The following TOM1L2 variants were observed in gnomAD, a reference collection of about 807,000 sequenced individuals.
The protein encoded by TOM1L2 is TOM1-like protein 2.
TOM1L2 carries 31 observed loss-of-function variants against 67.9 expected under a neutral mutation model. The ratio of observed to expected loss-of-function variants is 0.46; its 90% CI spans 0.34 to 0.62. The LOEUF is 0.62. Ranked by LOEUF, TOM1L2 falls within the 20% of genes least tolerant of loss-of-function variation. The pLI, the probability that TOM1L2 is intolerant of heterozygous loss-of-function variation, is 0.01. For synonymous variants in TOM1L2, 256 were observed against 254.0 expected, an observed-to-expected ratio of 1.01 and a Z score of -0.07; for missense variants, 606 against 663.5, an observed-to-expected ratio of 0.91 and a Z score of 0.95.
chr17:17,850,304 T>C, intron 13 of TOM1L2, among the ~76,000 whole-genome samples: 1 of 152,012 alleles, frequency 6.6e-6, no homozygotes, highest in Non-Finnish European at 1.5e-5. Context: ...AGCTCTCCTT[T>C]CTTGGGACCT....
intron 1 of TOM1L2, among the ~76,000 whole-genome samples, chr17:17,933,867 G>A (rs541675466): frequency 3.3e-5 from 5 of 152,116 alleles, no homozygotes; most frequent in Non-Finnish European, 7.4e-5. Context: ...TTCAAAAGAT[G>A]ATGATCTGCC....
intron 7 of TOM1L2, 74 bp from the exon 8 acceptor site, chr17:17,869,547 T>A: frequency 6.6e-7 from 1 of 1,504,792 alleles, no homozygotes; most frequent in Non-Finnish European, 8.8e-7. Context: ...TTGAAAAAAT[T>A]TGTACTGATT....
At chr17:17,899,443 C>T (rs2038738599) in intron 2 of TOM1L2, among the ~76,000 whole-genome samples, 1 of 152,222 alleles carries the variant, frequency 6.6e-6, no homozygotes, top group African/African-American at 2.4e-5. Context: ...CAAATGGGCT[C>T]TGTCCAAAAG....
At chr17:17,971,880 C>G in intron 1 of TOM1L2, among the ~76,000 whole-genome samples, 1 of 152,168 alleles carries the variant, frequency 6.6e-6, no homozygotes, top group African/African-American at 2.4e-5. Context: ...CACCAGTGCC[C>G]GGGAGGAGGC....
chr17:17,939,349 T>C (rs1358157934), intron 1 of TOM1L2, among the ~76,000 whole-genome samples: 3 of 152,242 alleles, frequency 2.0e-5, no homozygotes, highest in African/African-American at 7.2e-5. Flanking sequence ...GTACTTGTGA[T>C]AGACCTTAGC....
intron 5 of TOM1L2, among the ~76,000 whole-genome samples, chr17:17,883,988 G>C (rs1264335240): frequency 1.3e-5 from 2 of 152,100 alleles, no homozygotes. Flanking sequence ...TAGCTTCCTT[G>C]AGAAACCATG....
intron 11 of TOM1L2, 195 bp downstream of exon 11, chr17:17,862,536 G>T (rs558282678): frequency 1.0e-5 from 6 of 594,282 alleles, no homozygotes; most frequent in African/African-American, 1.9e-5. Flanking sequence ...TGTGTGTTTG[G>T]GGGGGTGGGG....
chr17:17,907,685 C>G (rs2039160703), intron 1 of TOM1L2, among the ~76,000 whole-genome samples, 154 bp from the exon 2 acceptor site: 1 of 152,160 alleles, frequency 6.6e-6, no homozygotes, highest in Non-Finnish European at 1.5e-5. Flanking sequence ...CACAAGAGAA[C>G]ACCCGGGAAA....
At chr17:17,874,715 G>A (rs747833234) in intron 7 of TOM1L2, among the ~76,000 whole-genome samples, 3 of 152,348 alleles carry the variant, frequency 2.0e-5, no homozygotes, top group African/African-American at 4.8e-5. Flanking sequence ...CATCTGCTCT[G>A]GCCTTGTGTT....
intron 1 of TOM1L2, among the ~76,000 whole-genome samples, chr17:17,957,895 C>A (rs2041527660): frequency 1.3e-5 from 2 of 151,704 alleles, no homozygotes; most frequent in South Asian, 4.1e-4. Flanking sequence ...TCAAGACCAT[C>A]CTGGCTAACA....
intron 12 of TOM1L2, chr17:17,859,345 G>A (rs2036427624): frequency 6.6e-6 from 1 of 152,216 alleles, no homozygotes; most frequent in African/African-American, 2.4e-5. Context: ...AAAGTGCTGA[G>A]ATTACAGGCA....
chr17:17,862,537 G>C (rs578101726), intron 11 of TOM1L2, 194 bp downstream of exon 11: 58 of 595,434 alleles, frequency 9.7e-5, no homozygotes, highest in Non-Finnish European at 1.7e-4. Flanking sequence ...GTGTGTTTGG[G>C]GGGGTGGGGG....
chr17:17,880,074 A>G (rs961101548), intron 6 of TOM1L2, among the ~76,000 whole-genome samples: 4 of 152,182 alleles, frequency 2.6e-5, no homozygotes, highest in Admixed American at 2.0e-4. Flanking sequence ...GAACTTGAGT[A>G]GAAGCTGAAC....
At chr17:17,879,828 C>T in intron 6 of TOM1L2, 85 bp from the exon 7 acceptor site, 2 of 1,161,630 alleles carry the variant, frequency 1.7e-6, no homozygotes, top group South Asian at 2.5e-5. Flanking sequence ...TGCTCCTAGT[C>T]TAGTGACAAT....
chr17:17,844,290 C>G lies in TOM1L2; in HGVS notation c.*3345G>C, dbSNP rs1299210165. 6.6e-6 allele frequency: 1 copy of G among 152,246 alleles called. No homozygotes were observed. The highest frequency in any genetic ancestry group is 6.5e-5 in the Admixed American group (1 of 15,286). 9.4% of individuals were successfully genotyped at this position (152,246 alleles called of 1,614,324 possible). A position where few individuals can be genotyped will look rare whatever the true frequency, so the allele number is the denominator to read the frequency against. On this transcript the variant is annotated 3_prime_UTR_variant, in exon 15 of 15. Coordinates refer to ENST00000379504, the MANE Select transcript of TOM1L2 (RefSeq NM_001082968.2). ...GCAGCGGGAAGGAGGGGGGCAGGAGCGTGAGCATCGGCAGCAGCTGCCCTG... is the reference window on the plus strand; with the variant it reads ...GCAGCGGGAAGGAGGGGGGCAGGAGGGTGAGCATCGGCAGCAGCTGCCCTG...
chr17:17,963,767 C>G (rs894386852), intron 1 of TOM1L2, among the ~76,000 whole-genome samples: 9 of 152,268 alleles, frequency 5.9e-5, no homozygotes, highest in African/African-American at 2.2e-4. Context: ...GAGCCTCCAG[C>G]CTTATTCAGA....
chr17:17,869,349 C>G lies in TOM1L2; in HGVS notation c.902G>C (p.Arg301Pro), dbSNP rs745605701. The G allele has an allele frequency of 1.2e-5, 20 of 1,610,936 alleles. No individual in the cohort carries two copies. The highest frequency in any genetic ancestry group is 2.2e-5 in the East Asian group (1 of 44,874). ...GAAATCCGGCTCCCACCTCTCGTAT[C>G]GAAGGAAGACGTTGTTGAGGTCATC... is the stretch of plus-strand genomic sequence containing the variant. The part of the protein sequence containing the change: ...VNDDLNNVFL[R>P]YERFERYRSG... Residue 301 changes from arginine to proline, a missense_variant, in exon 8 of 15, where the codon CGA (arginine) becomes CCA (proline). Physicochemically the swap from Arg to Pro is moderately radical, Grantham distance 103. This residue lies in a region of TOM1L2 where 543 missense variants were observed against 554.0 expected (regional missense o/e 0.98). Transcript: ENST00000379504.
At chr17:17,916,162 C>T (rs2039621614) in intron 1 of TOM1L2, among the ~76,000 whole-genome samples, 1 of 151,732 alleles carries the variant, frequency 6.6e-6, no homozygotes, top group South Asian at 2.1e-4. Flanking sequence ...CAAGCTCTAC[C>T]TCCTGGGTTC....
At chr17:17,893,920 T>C in intron 3 of TOM1L2, 110 bp from the exon 4 acceptor site, 1 of 1,172,152 alleles carries the variant, frequency 8.5e-7, no homozygotes, top group Admixed American at 2.4e-5. Flanking sequence ...TGCTCCTAGA[T>C]CAGCTTTCTG....
Sources: gnomAD v4.1 joint callset for allele counts (sites outside exome capture counted in the v4.1 genomes callset) on GRCh38, gnomAD v4.1.1 for gene constraint, gnomAD v4.1.1 regional missense constraint, MANE v1.5 for transcripts, NCBI Gene and HGNC (gene_info 2026-07-23, HGNC 2026-07-21) for gene names.